Variants in SOCS5 observed in about 807,000 individuals in gnomAD.
SOCS5 encodes suppressor of cytokine signaling 5.
In SOCS5, 32 loss-of-function variants were observed where a neutral mutation model predicts 42.8. The observed-to-expected ratio is 0.75, with a 90% confidence interval of 0.56 to 1.01. The LOEUF (loss-of-function observed/expected upper bound fraction) is 1.01, where lower values mean the gene tolerates loss of function less well. Among genes scored for constraint, SOCS5 ranks in the 50% least tolerant of loss-of-function variants. The pLI is 0.00. For missense variants in SOCS5, 627 were observed against 653.0 expected (o/e 0.96, Z 0.43); for synonymous variants, 283 against 229.6 (o/e 1.23, Z -2.10).
chr2:46,752,438 C>T (rs924123736), intron 1 of SOCS5, among the ~76,000 whole-genome samples: 1 of 152,096 alleles, frequency 6.6e-6, no homozygotes, highest in African/African-American at 2.4e-5. Context: ...AATTCTCTAC[C>T]CTTCCCCATA....
intron 1 of SOCS5, among the ~76,000 whole-genome samples, chr2:46,737,975 A>C (rs11892177): frequency 6.6e-6 from 1 of 152,166 alleles, no homozygotes. Context: ...GATAAAATTG[A>C]TATGCTTGAA....
intron 1 of SOCS5, 150 bp from the exon 2 acceptor site, chr2:46,758,369 C>A (rs905106621): frequency 1.6e-5 from 10 of 614,240 alleles, no homozygotes; most frequent in Non-Finnish European, 2.8e-5. Flanking sequence ...ACAGAACACA[C>A]GGCCTCATCA....
chr2:46,748,064 A>T (rs553120517), intron 1 of SOCS5, among the ~76,000 whole-genome samples: 1 of 152,158 alleles, frequency 6.6e-6, no homozygotes. Context: ...ATGCTTCTCT[A>T]CATTTGTTTT....
intron 1 of SOCS5, among the ~76,000 whole-genome samples, chr2:46,711,017 C>A (rs1672609100): frequency 6.6e-6 from 1 of 152,054 alleles, no homozygotes; most frequent in African/African-American, 2.4e-5. Context: ...AGAATTGTTC[C>A]TTTTAGTTGT....
chr2:46,742,872 G>A (rs921051892), intron 1 of SOCS5, among the ~76,000 whole-genome samples: 1 of 152,036 alleles, frequency 6.6e-6, no homozygotes, highest in Admixed American at 6.6e-5. Context: ...CACCATGATG[G>A]CCAGGCTAGT....
At chr2:46,711,210 A>C (rs779305145) in intron 1 of SOCS5, among the ~76,000 whole-genome samples, 13 of 152,220 alleles carry the variant, frequency 8.5e-5, no homozygotes, top group Non-Finnish European at 1.9e-4. Flanking sequence ...TATGTTTAGC[A>C]TTATGAGAAA....
Position 46,746,438 on chromosome 2 carries a change from T to G in SOCS5, c.-12-12081T>G, listed in dbSNP as rs60506146. ...AGGCCGAGGTGGGTGGATTACAAGG[T>G]CAGGAGATTGAGACCATCCTGGCTA... On this transcript the variant is annotated intron_variant, in intron 1 of 1. Coordinates refer to ENST00000394861, the MANE Select transcript of SOCS5 (RefSeq NM_144949.3). Among the ~76,000 whole-genome samples, 41 of 152,158 alleles carry G rather than the reference T, an allele frequency of 2.7e-4. 1 individual carries two copies. The East Asian group carries it at 7.7e-3, about 29-fold the overall frequency.
intron 1 of SOCS5, among the ~76,000 whole-genome samples, chr2:46,700,463 T>C (rs41435249): frequency 0.019 from 2,953 of 152,352 alleles, 41 homozygotes; most frequent in Middle Eastern, 0.13. Flanking sequence ...TGTGCTATTA[T>C]GTACTACTGA....
At chr2:46,728,746 G>T (rs914107558) in intron 1 of SOCS5, among the ~76,000 whole-genome samples, 4 of 152,096 alleles carry the variant, frequency 2.6e-5, no homozygotes, top group African/African-American at 9.7e-5. Flanking sequence ...AGTAGAGATG[G>T]GGCTTCTCCA....
intron 1 of SOCS5, among the ~76,000 whole-genome samples, chr2:46,752,627 C>T (rs1443042174): frequency 6.6e-6 from 1 of 152,144 alleles, no homozygotes; most frequent in Non-Finnish European, 1.5e-5. Flanking sequence ...TTGAGTGTTA[C>T]ATTTTATATT....
chr2:46,714,288 A>G (rs569597877), intron 1 of SOCS5, among the ~76,000 whole-genome samples: 74 of 152,240 alleles, frequency 4.9e-4, no homozygotes, highest in Non-Finnish European at 4.6e-4. Context: ...TTCAGTTCCA[A>G]TAAGTTTTGT....
At chr2:46,754,790 G>T (rs1008125301) in intron 1 of SOCS5, among the ~76,000 whole-genome samples, 1 of 152,134 alleles carries the variant, frequency 6.6e-6, no homozygotes, top group East Asian at 1.9e-4. Flanking sequence ...ACAATATGAC[G>T]TGTAAATAAC....
chr2:46,725,656 G>T (rs1481669765), intron 1 of SOCS5, among the ~76,000 whole-genome samples: 2 of 151,952 alleles, frequency 1.3e-5, no homozygotes, highest in African/African-American at 4.8e-5. Flanking sequence ...AACCCAATGG[G>T]TACTGTTTTT....
intron 1 of SOCS5, among the ~76,000 whole-genome samples, chr2:46,747,003 C>T (rs1673516763): frequency 7.5e-6 from 1 of 133,362 alleles, no homozygotes; most frequent in Admixed American, 8.7e-5. Context: ...TCAGTGATTA[C>T]ATATCAAGGT....
intron 1 of SOCS5, among the ~76,000 whole-genome samples, chr2:46,709,812 T>G (rs1327832948): frequency 1.3e-5 from 2 of 152,250 alleles, no homozygotes; most frequent in Non-Finnish European, 2.9e-5. Flanking sequence ...CAGTGACAAC[T>G]GTTATAGTTT....
At chr2:46,705,708 A>C (rs1672446821) in intron 1 of SOCS5, among the ~76,000 whole-genome samples, 1 of 152,238 alleles carries the variant, frequency 6.6e-6, no homozygotes, top group African/African-American at 2.4e-5. Flanking sequence ...TTACATGAGA[A>C]CAGCAGTCCA....
At chr2:46,749,825 A>T (rs1390428142) in intron 1 of SOCS5, among the ~76,000 whole-genome samples, 1 of 152,218 alleles carries the variant, frequency 6.6e-6, no homozygotes, top group East Asian at 1.9e-4. Context: ...GGAGTCATGG[A>T]TAGAACTTTC....
chr2:46,749,489 G>T (rs904823353), intron 1 of SOCS5, among the ~76,000 whole-genome samples: 1 of 152,062 alleles, frequency 6.6e-6, no homozygotes, highest in Non-Finnish European at 1.5e-5. Flanking sequence ...CAATAATGCT[G>T]GCCAAATAAG....
chr2:46,709,086 C>G (rs1024381716), intron 1 of SOCS5, among the ~76,000 whole-genome samples: 3 of 151,950 alleles, frequency 2.0e-5, no homozygotes, highest in Non-Finnish European at 4.4e-5. Flanking sequence ...GAGGTTTCAC[C>G]GTGTTGGCCA....
Sources: gnomAD v4.1 joint callset for allele counts (sites outside exome capture counted in the v4.1 genomes callset) on GRCh38, gnomAD v4.1.1 for gene constraint, MANE v1.5 for transcripts, NCBI Gene and HGNC (gene_info 2026-07-23, HGNC 2026-07-21) for gene names.